The following STYX variants were observed in gnomAD, a reference collection of about 807,000 sequenced individuals.
STYX encodes the protein serine/threonine/tyrosine-interacting protein.
Under a neutral mutation model 42.7 loss-of-function variants are expected in STYX, and 20 were observed. That is an observed-to-expected ratio of 0.47 (90% CI 0.33 to 0.68). STYX has a LOEUF of 0.68. STYX is among the 30% of genes least tolerant of loss of function. The probability of loss-of-function intolerance (pLI) is 0.02; values close to 1 mark genes in which losing one functional copy is unlikely to be tolerated. For missense variants in STYX, 226 were observed against 268.5 expected (o/e 0.84, Z 1.11); for synonymous variants, 78 against 81.9 (o/e 0.95, Z 0.26).
At chr14:52,739,883 C>T (rs984806118) in intron 1 of STYX, among the ~76,000 whole-genome samples, 1 of 152,044 alleles carries the variant, frequency 6.6e-6, no homozygotes, top group Non-Finnish European at 1.5e-5. Flanking sequence ...CTCAAGCTAT[C>T]CTCCTGCCCC....
At chr14:52,756,748 C>T (rs1338594640) in intron 5 of STYX, 137 bp downstream of exon 5, 7 of 426,120 alleles carry the variant, frequency 1.6e-5, no homozygotes, top group Non-Finnish European at 2.0e-5. Flanking sequence ...AGTGCAATGG[C>T]GCAATCTTGG....
At chr14:52,768,261 G>A (rs986312598) in intron 9 of STYX, among the ~76,000 whole-genome samples, 2 of 152,008 alleles carry the variant, frequency 1.3e-5, no homozygotes, top group East Asian at 1.9e-4. Flanking sequence ...AACTATTGCC[G>A]AAGTATGGAA....
At chr14:52,748,264 T>C (rs1415138563) in intron 3 of STYX, among the ~76,000 whole-genome samples, 2 of 152,168 alleles carry the variant, frequency 1.3e-5, no homozygotes, top group African/African-American at 4.8e-5. Flanking sequence ...TCTTGCTCTG[T>C]TACCCAGGCT....
At chr14:52,752,838 G>A (rs932102442) in intron 4 of STYX, among the ~76,000 whole-genome samples, 2 of 149,216 alleles carry the variant, frequency 1.3e-5, no homozygotes, top group Admixed American at 6.7e-5. Flanking sequence ...GTAGAGGGAC[G>A]TATTTTTCTT....
Position 52,730,383 on chromosome 14 carries a change from G to A in STYX, c.-92G>A, listed in dbSNP as rs1880642523. The A allele has an allele frequency of 7.4e-7, 1 of 1,355,776 alleles. No individual in the cohort carries two copies. The highest frequency in any genetic ancestry group is 1.0e-6 in the Non-Finnish European group (1 of 964,162). 84.0% of individuals were successfully genotyped at this position (1,355,776 alleles called of 1,614,324 possible). On this transcript the variant is annotated 5_prime_UTR_variant, in exon 1 of 11. Coordinates refer to ENST00000354586, the MANE Select transcript of STYX (RefSeq NM_145251.4). ...CTCCTGTCAGCCCTCCGCTCCGCCG[G>A]CCCTCCTTCCTTCCGCCGCCGCAGC...
At chr14:52,752,459 G>C (rs1881656707) in intron 4 of STYX, among the ~76,000 whole-genome samples, 1 of 151,684 alleles carries the variant, frequency 6.6e-6, no homozygotes, top group Admixed American at 6.6e-5. Context: ...GCAAGACTCT[G>C]TCTCAAAAAT....
intron 4 of STYX, among the ~76,000 whole-genome samples, chr14:52,755,945 C>T (rs1221335765): frequency 6.6e-6 from 1 of 152,132 alleles, no homozygotes; most frequent in Non-Finnish European, 1.5e-5. Context: ...TCTAGGTCCA[C>T]TCTAATCTAG....
At chr14:52,732,530 C>T (rs1225379051) in intron 1 of STYX, among the ~76,000 whole-genome samples, 1 of 151,902 alleles carries the variant, frequency 6.6e-6, no homozygotes, top group East Asian at 1.9e-4. Flanking sequence ...GGCTTGGCCT[C>T]CCAAAGTGCA....
At chr14:52,762,090 G>C (rs1882118140) in intron 9 of STYX, among the ~76,000 whole-genome samples, 1 of 151,440 alleles carries the variant, frequency 6.6e-6, no homozygotes, top group Admixed American at 6.6e-5. Flanking sequence ...ATGTTGCCCA[G>C]GATGGTCTTG....
intron 1 of STYX, among the ~76,000 whole-genome samples, chr14:52,732,816 G>C (rs768782736): frequency 2.6e-5 from 4 of 151,306 alleles, no homozygotes; most frequent in African/African-American, 7.3e-5. Flanking sequence ...GATTACAGGC[G>C]CCCGCCACCA....
At chr14:52,767,154 A>C (rs1404285143) in intron 9 of STYX, among the ~76,000 whole-genome samples, 1 of 152,206 alleles carries the variant, frequency 6.6e-6, no homozygotes, top group Non-Finnish European at 1.5e-5. Context: ...GCAAAGACCT[A>C]AAGAGATGCA....
intron 9 of STYX, among the ~76,000 whole-genome samples, chr14:52,760,674 C>G (rs1882055576): frequency 6.6e-6 from 1 of 152,126 alleles, no homozygotes. Context: ...TTAATTTTTA[C>G]TACATTCAAA....
chr14:52,769,629 A>G (rs573468455), intron 10 of STYX, among the ~76,000 whole-genome samples: 2 of 152,234 alleles, frequency 1.3e-5, no homozygotes, highest in South Asian at 2.1e-4. Flanking sequence ...CCAAGGCTCA[A>G]CTTCCTAATT....
rs1316921354 is a variant in STYX at position 52,746,493 on chromosome 14, TA to T, written c.144+15del. On this transcript the variant is annotated intron_variant, in intron 3 of 10. Transcript: ENST00000354586. ...ATGAAAAGCAAGGTATGAACTTTGT[TA>T]GATTCATCAAGAGAGACTTTTATTA... is the stretch of plus-strand genomic sequence containing the variant. The T allele has an allele frequency of 2.6e-6, 4 of 1,551,674 alleles. No individual in the cohort carries two copies. The Admixed American group carries it at 9.4e-5, about 37-fold the overall frequency.
At chr14:52,732,757 G>T (rs1880785445) in intron 1 of STYX, among the ~76,000 whole-genome samples, 1 of 151,860 alleles carries the variant, frequency 6.6e-6, no homozygotes, top group Admixed American at 6.6e-5. Context: ...TGCAACCTCC[G>T]CCTCCCACGT....
intron 9 of STYX, among the ~76,000 whole-genome samples, chr14:52,764,013 G>C (rs1251551926): frequency 6.6e-6 from 1 of 152,082 alleles, no homozygotes; most frequent in Non-Finnish European, 1.5e-5. Context: ...TTGTTGTTGA[G>C]ACAGAGTCTT....
At chr14:52,752,555 T>C (rs942112575) in intron 4 of STYX, among the ~76,000 whole-genome samples, 7 of 152,144 alleles carry the variant, frequency 4.6e-5, no homozygotes, top group African/African-American at 1.4e-4. Context: ...TACTCTAAAA[T>C]ACATTGTGTG....
Position 52,750,666 on chromosome 14 carries a change from CT to C in STYX, c.145-7del, listed in dbSNP as rs770456434. ...ATTTATCTTCCCTGTCCTCCCCCTG[CT>C]TTTTTTTTTATACAGCTACCTGTAC... On this transcript the variant is annotated splice_polypyrimidine_tract_variant and intron_variant, in intron 3 of 10. Coordinates refer to ENST00000354586, the MANE Select transcript of STYX (RefSeq NM_145251.4). 6.6e-3 allele frequency: 7,941 copies of C among 1,195,920 alleles called. 3 individuals carry two copies. The highest frequency in any genetic ancestry group is 0.012 in the African/African-American group (733 of 62,848). 74.1% of individuals were successfully genotyped at this position (1,195,920 alleles called of 1,614,324 possible). A position where few individuals can be genotyped will look rare whatever the true frequency, so the allele number is the denominator to read the frequency against.
intron 9 of STYX, among the ~76,000 whole-genome samples, chr14:52,765,919 G>A (rs908423982): frequency 3.9e-5 from 6 of 152,166 alleles, no homozygotes; most frequent in Admixed American, 6.5e-5. Flanking sequence ...GCGATGGACC[G>A]ATTCTGGGGT....
Sources: allele counts gnomAD v4.1 joint callset (sites outside exome capture counted in the v4.1 genomes callset), GRCh38; gene constraint gnomAD v4.1.1; transcripts MANE v1.5; gene names NCBI Gene and HGNC (gene_info 2026-07-23, HGNC 2026-07-21).